Variants in CDKAL1 observed in about 807,000 individuals in gnomAD.
CDKAL1 encodes CDKAL1 threonylcarbamoyladenosine tRNA methylthiotransferase, also known as threonylcarbamoyladenosine tRNA methylthiotransferase.
In CDKAL1, 32 loss-of-function variants were observed where a neutral mutation model predicts 68.2. The ratio of observed to expected loss-of-function variants is 0.47; its 90% CI spans 0.35 to 0.63. CDKAL1 has a LOEUF of 0.63. Ranked by LOEUF, CDKAL1 falls within the 30% of genes least tolerant of loss-of-function variation. The pLI is 0.00. For synonymous variants in CDKAL1, 234 were observed against 244.3 expected (o/e 0.96, Z 0.39); for missense variants, 606 against 696.7 (o/e 0.87, Z 1.47).
intron 6 of CDKAL1, among the ~76,000 whole-genome samples, chr6:20,746,977 G>A (rs62399305): frequency 0.057 from 8,716 of 152,054 alleles, 294 homozygotes; most frequent in African/African-American, 0.097. Context: ...TGTACCCTTT[G>A]ATCTACTTCA....
intron 1 of CDKAL1, chr6:20,535,017 G>A (rs538802082): frequency 1.3e-5 from 2 of 152,248 alleles, no homozygotes; most frequent in South Asian, 4.1e-4. Context: ...ATCTCGGGAC[G>A]ACAGTTATCT....
intron 12 of CDKAL1, among the ~76,000 whole-genome samples, chr6:21,070,006 G>A (rs1771682880): frequency 6.6e-6 from 1 of 151,606 alleles, no homozygotes; most frequent in African/African-American, 2.4e-5. Context: ...TAACCAGGAT[G>A]GTCTCGATCT....
At chr6:20,569,806 C>G (rs1414482712) in intron 4 of CDKAL1, among the ~76,000 whole-genome samples, 1 of 152,132 alleles carries the variant, frequency 6.6e-6, no homozygotes, top group African/African-American at 2.4e-5. Context: ...ATCTAAGTCA[C>G]TCCTTTTTGA....
chr6:21,147,544 G>A (rs1446967566), intron 13 of CDKAL1, among the ~76,000 whole-genome samples: 1 of 152,172 alleles, frequency 6.6e-6, no homozygotes, highest in African/African-American at 2.4e-5. Flanking sequence ...CCTTGATAGT[G>A]ATCAAAGCTG....
At chr6:20,720,840 A>G (rs1772315502) in intron 5 of CDKAL1, among the ~76,000 whole-genome samples, 1 of 152,104 alleles carries the variant, frequency 6.6e-6, no homozygotes, top group African/African-American at 2.4e-5. Context: ...TAACTCCCAC[A>G]TGTAAGTGAG....
At chr6:21,201,501 A>C (rs957111253) in intron 15 of CDKAL1, among the ~76,000 whole-genome samples, 4 of 152,200 alleles carry the variant, frequency 2.6e-5, no homozygotes, top group Admixed American at 6.5e-5. Context: ...TTCTGCTTCC[A>C]GTTTAGAAGC....
chr6:20,925,944 A>G (rs996694861), intron 9 of CDKAL1, among the ~76,000 whole-genome samples: 11 of 136,346 alleles, frequency 8.1e-5, no homozygotes, highest in Non-Finnish European at 1.4e-4. Context: ...AAGTTCCAAC[A>G]TATTTTTTCT....
At chr6:20,785,927 A>G (rs1775652282) in intron 8 of CDKAL1, among the ~76,000 whole-genome samples, 1 of 152,216 alleles carries the variant, frequency 6.6e-6, no homozygotes, top group Non-Finnish European at 1.5e-5. Flanking sequence ...CTAGCTTAAA[A>G]TATAAAAGTA....
intron 9 of CDKAL1, among the ~76,000 whole-genome samples, chr6:20,873,268 A>T (rs1760319549): frequency 6.6e-6 from 1 of 152,190 alleles, no homozygotes; most frequent in African/African-American, 2.4e-5. Context: ...TTAGTGTGAT[A>T]AGAATTACCT....
chr6:20,813,719 T>C (rs1055275273), intron 8 of CDKAL1, among the ~76,000 whole-genome samples: 2 of 152,198 alleles, frequency 1.3e-5, no homozygotes, highest in African/African-American at 4.8e-5. Flanking sequence ...TCCCTTTGTC[T>C]TGGAACACTG....
At chr6:20,788,752 T>A (rs1775778182) in intron 8 of CDKAL1, among the ~76,000 whole-genome samples, 1 of 152,228 alleles carries the variant, frequency 6.6e-6, no homozygotes, top group South Asian at 2.1e-4. Flanking sequence ...TGATTTCTTT[T>A]TATTCTTTCT....
intron 7 of CDKAL1, among the ~76,000 whole-genome samples, chr6:20,773,610 C>T (rs995932431): frequency 7.9e-5 from 12 of 151,890 alleles, no homozygotes; most frequent in South Asian, 4.2e-4. Flanking sequence ...TGCAGTGGCG[C>T]GATCTCGGCT....
intron 2 of CDKAL1, among the ~76,000 whole-genome samples, chr6:20,540,290 G>A (rs9465796): frequency 0.031 from 4,664 of 151,634 alleles, 231 homozygotes; most frequent in African/African-American, 0.11. Flanking sequence ...GGACAGGCTG[G>A]TCTTGAACTC....
intron 9 of CDKAL1, among the ~76,000 whole-genome samples, chr6:20,945,877 C>T (rs1581888323): frequency 6.6e-6 from 1 of 152,044 alleles, no homozygotes; most frequent in African/African-American, 2.4e-5. Flanking sequence ...TAAATTTCCC[C>T]TCCAAATAAA....
At position 20,810,399 on chromosome 6, in the gene CDKAL1, CACACACA is replaced by C. The variant is rs1461634739; in HGVS notation, c.638+29135_638+29141del. 4.8e-3 allele frequency among the ~76,000 whole-genome samples: 31 copies of C among 6,404 alleles called. No individual in the cohort carries two copies. In the East Asian group the frequency reaches 0.15, roughly 31 times the overall value. The allele number at this position is 6,404 out of a possible 152,430, so 4.2% of individuals were successfully genotyped here. On this transcript the variant is annotated intron_variant, in intron 8 of 15. Coordinates refer to ENST00000274695, the MANE Select transcript of CDKAL1 (RefSeq NM_017774.3). ...TCTCTCTCTCTCTCTCTGTCACACA[CACACACA>C]CACACACACACACACACACACACAC...
intron 13 of CDKAL1, among the ~76,000 whole-genome samples, chr6:21,159,759 G>C (rs932075382): frequency 6.6e-6 from 1 of 152,212 alleles, no homozygotes; most frequent in African/African-American, 2.4e-5. Flanking sequence ...ACTTGGTTGA[G>C]ATCTTACCTC....
At chr6:21,010,125 C>T (rs1018292390) in intron 11 of CDKAL1, among the ~76,000 whole-genome samples, 5 of 151,996 alleles carry the variant, frequency 3.3e-5, no homozygotes, top group African/African-American at 7.3e-5. Flanking sequence ...CATAGTATTA[C>T]GTATCAATTT....
chr6:21,222,185 T>G (rs1297968021), intron 15 of CDKAL1, among the ~76,000 whole-genome samples: 1 of 152,248 alleles, frequency 6.6e-6, no homozygotes, highest in Non-Finnish European at 1.5e-5. Flanking sequence ...ATATTAAGAT[T>G]AGACAGTTCG....
Position 20,912,782 on chromosome 6 carries a change from T to C in CDKAL1, c.743-42637T>C, listed in dbSNP as rs557976213. On this transcript the variant is annotated intron_variant, in intron 9 of 15. Transcript: ENST00000274695. ...TTAGCTTACTCTGGTGGGTATAAGA[T>C]TGAATATATGGTAGTTTGTTTCTAC... 2.6e-5 allele frequency among the ~76,000 whole-genome samples: 4 copies of C among 152,250 alleles called. No individual in the cohort carries two copies. The East Asian group carries it at 7.7e-4, about 29-fold the overall frequency.
Sources: gnomAD v4.1 joint callset for allele counts (sites outside exome capture counted in the v4.1 genomes callset) on GRCh38, gnomAD v4.1.1 for gene constraint, MANE v1.5 for transcripts, NCBI Gene and HGNC (gene_info 2026-07-23, HGNC 2026-07-21) for gene names.